PPM1E: variants seen among roughly 807,000 people sequenced by gnomAD.
PPM1E encodes protein phosphatase, Mg2+/Mn2+ dependent 1E.
Under a neutral mutation model 65.9 loss-of-function variants are expected in PPM1E, and 20 were observed. The ratio of observed to expected loss-of-function variants is 0.30; its 90% CI spans 0.21 to 0.44. The LOEUF is 0.44. Ranked by LOEUF, PPM1E falls within the 20% of genes least tolerant of loss-of-function variation. PPM1E has a pLI of 1.00. For missense variants in PPM1E, 713 were observed against 953.1 expected (o/e 0.75, Z 3.32); for synonymous variants, 352 against 374.9 (o/e 0.94, Z 0.70).
chr17:58,833,096 A>G (rs2050620960), intron 1 of PPM1E, among the ~76,000 whole-genome samples: 1 of 151,814 alleles, frequency 6.6e-6, no homozygotes, highest in Admixed American at 6.6e-5. Flanking sequence ...AAGATTTCAC[A>G]GTTATTATAT....
chr17:58,758,675 G>A (rs980404576), intron 1 of PPM1E, among the ~76,000 whole-genome samples: 1 of 152,196 alleles, frequency 6.6e-6, no homozygotes, highest in African/African-American at 2.4e-5. Context: ...TTAAATCAGA[G>A]ATTTCATCAT....
chr17:58,770,128 G>A (rs1464424469), intron 1 of PPM1E, among the ~76,000 whole-genome samples: 1 of 151,998 alleles, frequency 6.6e-6, no homozygotes. Context: ...CCTCACCATT[G>A]TATCCATATA....
intron 1 of PPM1E, among the ~76,000 whole-genome samples, chr17:58,889,886 A>G (rs891553830): frequency 6.6e-6 from 1 of 152,232 alleles, no homozygotes; most frequent in Non-Finnish European, 1.5e-5. Context: ...TCTTCAGTAT[A>G]GTTGATTATT....
rs1324375467 is a variant in PPM1E at position 58,775,756 on chromosome 17, TACA to T, written c.464+19297_464+19299del. On this transcript the variant is annotated intron_variant, in intron 1 of 6. Transcript: ENST00000308249. ...GGTGAAACCCCGTCTCTACTAAAAA[TACA>T]AAAAATTAGCCGGGCGCGGTGGCGG... Among the ~76,000 whole-genome samples, 3 of 148,362 alleles carry T rather than the reference TACA, an allele frequency of 2.0e-5. No homozygotes were observed. In the East Asian group the frequency reaches 6.0e-4, roughly 30 times the overall value.
At chr17:58,792,997 C>G (rs911220180) in intron 1 of PPM1E, among the ~76,000 whole-genome samples, 1 of 151,992 alleles carries the variant, frequency 6.6e-6, no homozygotes, top group Non-Finnish European at 1.5e-5. Flanking sequence ...ATCCGCCCGC[C>G]TTGGCCTCTC....
At chr17:58,894,606 C>G (rs149342028) in intron 1 of PPM1E, among the ~76,000 whole-genome samples, 1,691 of 152,198 alleles carry the variant, frequency 0.011, 34 homozygotes, top group African/African-American at 0.038. Flanking sequence ...CAAGAAGGAT[C>G]TTAGGGACCC....
At chr17:58,840,994 A>G (rs547581823) in intron 1 of PPM1E, among the ~76,000 whole-genome samples, 1 of 152,302 alleles carries the variant, frequency 6.6e-6, no homozygotes, top group African/African-American at 2.4e-5. Flanking sequence ...GAGGGACTAC[A>G]TGTAGAACAA....
At chr17:58,912,268 C>G (rs1292425614) in intron 1 of PPM1E, among the ~76,000 whole-genome samples, 1 of 152,116 alleles carries the variant, frequency 6.6e-6, no homozygotes, top group Non-Finnish European at 1.5e-5. Flanking sequence ...AGTGAGGCCT[C>G]CAAACCAAGG....
intron 1 of PPM1E, among the ~76,000 whole-genome samples, chr17:58,846,140 T>A (rs768391998): frequency 1.5e-4 from 23 of 152,218 alleles, no homozygotes; most frequent in Non-Finnish European, 2.6e-4. Context: ...TATAAATGTA[T>A]AAGTATCTCT....
In PPM1E at chr17:58,760,077, T is replaced by C. The variant is rs2049807545; in HGVS notation, c.464+3616T>C. ...TTGTTAATCATGCTTTCCAGGTTTT[T>C]CTCCTGCTTCTCAGGCTATCCCACT... On this transcript the variant is annotated intron_variant, in intron 1 of 6. Transcript: ENST00000308249. Among the ~76,000 whole-genome samples the C allele has an allele frequency of 3.3e-5, 5 of 152,228 alleles. No individual in the cohort carries two copies. The South Asian group carries it at 1.0e-3, about 32-fold the overall frequency.
At chr17:58,867,869 G>T (rs1285997668) in intron 1 of PPM1E, among the ~76,000 whole-genome samples, 3 of 152,098 alleles carry the variant, frequency 2.0e-5, no homozygotes, top group African/African-American at 7.2e-5. Context: ...AGGAAAACAT[G>T]TGTTCCCTCT....
At chr17:58,935,253 A>C (rs1471719641) in intron 1 of PPM1E, among the ~76,000 whole-genome samples, 1 of 152,076 alleles carries the variant, frequency 6.6e-6, no homozygotes, top group African/African-American at 2.4e-5. Flanking sequence ...CCATTTCAAA[A>C]AAAAAAAAAA....
intron 1 of PPM1E, among the ~76,000 whole-genome samples, chr17:58,872,457 T>A (rs750266349): frequency 5.6e-4 from 85 of 152,232 alleles, no homozygotes; most frequent in Non-Finnish European, 1.1e-3. Flanking sequence ...AGCGTTCCAG[T>A]TGTCAGCAAA....
chr17:58,899,880 A>G (rs1460972447), intron 1 of PPM1E, among the ~76,000 whole-genome samples: 2 of 152,100 alleles, frequency 1.3e-5, no homozygotes, highest in Non-Finnish European at 1.5e-5. Flanking sequence ...TAGCAAGATA[A>G]CTAAAAGAGA....
intron 1 of PPM1E, among the ~76,000 whole-genome samples, chr17:58,927,921 G>A (rs984521576): frequency 2.0e-5 from 3 of 151,922 alleles, no homozygotes; most frequent in African/African-American, 4.8e-5. Context: ...TGAGCTGGGC[G>A]TGATGGTGGG....
intron 1 of PPM1E, among the ~76,000 whole-genome samples, chr17:58,882,957 T>TC (rs2051216992): frequency 6.9e-6 from 1 of 145,162 alleles, no homozygotes; most frequent in East Asian, 2.0e-4. Context: ...CTTTCTTTTT[T>TC]TTTTTTTTTT....
intron 1 of PPM1E, among the ~76,000 whole-genome samples, chr17:58,938,427 G>T (rs1449956918): frequency 6.6e-6 from 1 of 152,094 alleles, no homozygotes; most frequent in Non-Finnish European, 1.5e-5. Flanking sequence ...TCTCTCTCGT[G>T]TGTGTGTAAC....
intron 1 of PPM1E, among the ~76,000 whole-genome samples, chr17:58,845,713 G>T (rs1469291892): frequency 1.3e-5 from 2 of 152,004 alleles, no homozygotes; most frequent in Non-Finnish European, 2.9e-5. Flanking sequence ...ACAGAGTCTC[G>T]CTCTGTCGCT....
At chr17:58,900,778 CTT>C (rs905259840) in intron 1 of PPM1E, among the ~76,000 whole-genome samples, 86 of 152,034 alleles carry the variant, frequency 5.7e-4, no homozygotes, top group African/African-American at 2.0e-3. Flanking sequence ...AATGAGTACT[CTT>C]GTTAATGTTT....
Sources: gnomAD v4.1 joint callset for allele counts (sites outside exome capture counted in the v4.1 genomes callset) on GRCh38, gnomAD v4.1.1 for gene constraint, MANE v1.5 for transcripts, NCBI Gene and HGNC (gene_info 2026-07-23, HGNC 2026-07-21) for gene names.